Variants in HCN1 observed in about 807,000 individuals in gnomAD.
The protein encoded by HCN1 is potassium/sodium hyperpolarization-activated cyclic nucleotide-gated channel 1.
HCN1 carries 13 observed loss-of-function variants against 78.9 expected under a neutral mutation model. The observed-to-expected ratio is 0.16, with a 90% CI of 0.11 to 0.26. HCN1 has a LOEUF of 0.26. HCN1 is among the 10% of genes least tolerant of loss of function. The pLI, the probability that HCN1 is intolerant of heterozygous loss-of-function variation, is 1.00. For missense variants in HCN1, 810 were observed against 1,154.3 expected (o/e 0.70, Z 4.32); for synonymous variants, 552 against 455.5 (o/e 1.21, Z -2.70).
chr5:45,563,145 G>A (rs1743639032), intron 2 of HCN1, among the ~76,000 whole-genome samples: 1 of 152,052 alleles, frequency 6.6e-6, no homozygotes, highest in Non-Finnish European at 1.5e-5. Context: ...AATATATGTA[G>A]TGAATTTAAA....
intron 1 of HCN1, among the ~76,000 whole-genome samples, chr5:45,688,390 T>G (rs1739848000): frequency 6.6e-6 from 1 of 152,154 alleles, no homozygotes; most frequent in Non-Finnish European, 1.5e-5. Context: ...ATAACTTCTC[T>G]GCAGTTTCAT....
intron 1 of HCN1, among the ~76,000 whole-genome samples, chr5:45,691,163 A>T (rs913639330): frequency 1.3e-4 from 20 of 152,116 alleles, no homozygotes; most frequent in African/African-American, 4.6e-4. Context: ...TATGATACAA[A>T]TAATAAGTAA....
chr5:45,607,536 A>T (rs1744747117), intron 2 of HCN1, among the ~76,000 whole-genome samples: 1 of 150,638 alleles, frequency 6.6e-6, no homozygotes, highest in East Asian at 1.9e-4. Flanking sequence ...TTTAGATTAA[A>T]ACTAAATGAT....
chr5:45,422,885 G>T (rs969148009), intron 3 of HCN1, among the ~76,000 whole-genome samples: 1 of 152,140 alleles, frequency 6.6e-6, no homozygotes, highest in Non-Finnish European at 1.5e-5. Context: ...ACTGAGAAGG[G>T]TAGTAGGGAG....
intron 3 of HCN1, among the ~76,000 whole-genome samples, chr5:45,441,510 T>A (rs751074777): frequency 2.6e-4 from 40 of 152,256 alleles, no homozygotes; most frequent in Non-Finnish European, 5.0e-4. Context: ...TCCTGTGGTA[T>A]GGGAAGGGGT....
intron 2 of HCN1, among the ~76,000 whole-genome samples, chr5:45,527,918 A>T (rs1425942028): frequency 7.1e-6 from 1 of 140,620 alleles, no homozygotes; most frequent in East Asian, 2.1e-4. Flanking sequence ...ACTGTGTCTG[A>T]TTCTAAATTT....
chr5:45,354,135 G>T (rs1340078278), intron 4 of HCN1, among the ~76,000 whole-genome samples: 1 of 151,680 alleles, frequency 6.6e-6, no homozygotes, highest in Non-Finnish European at 1.5e-5. Context: ...ATATTACCTG[G>T]GTGCCTATTA....
chr5:45,580,348 A>G (rs982645298), intron 2 of HCN1, among the ~76,000 whole-genome samples: 1 of 151,924 alleles, frequency 6.6e-6, no homozygotes, highest in Admixed American at 6.6e-5. Context: ...AAGTGAGGAG[A>G]ATTTAAATTT....
intron 6 of HCN1, among the ~76,000 whole-genome samples, chr5:45,271,585 T>G (rs899089557): frequency 1.3e-5 from 2 of 152,194 alleles, no homozygotes; most frequent in African/African-American, 2.4e-5. Context: ...TAGAGTTTTA[T>G]TGTCCTTAAC....
chr5:45,274,047 C>T (rs981762492), intron 6 of HCN1, among the ~76,000 whole-genome samples: 10 of 152,154 alleles, frequency 6.6e-5, no homozygotes, highest in South Asian at 6.2e-4. Context: ...TACTTTAATG[C>T]ATTTCACATT....
At chr5:45,647,602 C>T (rs1745576687) in intron 1 of HCN1, among the ~76,000 whole-genome samples, 1 of 152,136 alleles carries the variant, frequency 6.6e-6, no homozygotes. Flanking sequence ...GCTTTATCTT[C>T]AGTCCATTCC....
At chr5:45,661,227 G>A (rs1341200877) in intron 1 of HCN1, among the ~76,000 whole-genome samples, 1 of 105,900 alleles carries the variant, frequency 9.4e-6, no homozygotes, top group Non-Finnish European at 1.9e-5. Flanking sequence ...CGAAATGAAG[G>A]CAGAAATAAA....
chr5:45,519,979 A>G lies in HCN1; in HGVS notation c.850-57972T>C, dbSNP rs114992363. Among the ~76,000 whole-genome samples the G allele has an allele frequency of 1.2e-3, 184 of 152,162 alleles. 1 individual carries two copies. Among genetic ancestry groups the G allele is most frequent in the African/African-American group, 4.3e-3 (179 of 41,556 alleles). On this transcript the variant is annotated intron_variant, in intron 2 of 7. Transcript: ENST00000303230. The stretch of plus-strand genomic sequence containing the variant: ...AGTTATCTGCATTCTTAGTACCTGT[A>G]AGACTTGAATTCATTGCCACAAAAT...
chr5:45,458,171 G>C (rs1028708449), intron 3 of HCN1, among the ~76,000 whole-genome samples: 1 of 151,936 alleles, frequency 6.6e-6, no homozygotes, highest in Non-Finnish European at 1.5e-5. Flanking sequence ...TTATAGCATT[G>C]ACTTTGAGTT....
chr5:45,543,489 C>A (rs1004111118), intron 2 of HCN1, among the ~76,000 whole-genome samples: 18 of 151,954 alleles, frequency 1.2e-4, no homozygotes, highest in African/African-American at 4.1e-4. Context: ...AAAATATAAT[C>A]TTATACCTTG....
chr5:45,635,488 G>A (rs1190236469), intron 2 of HCN1, among the ~76,000 whole-genome samples: 2 of 151,982 alleles, frequency 1.3e-5, no homozygotes, highest in East Asian at 1.9e-4. Flanking sequence ...TTATTTTGCA[G>A]CTGCTTCAAA....
Position 45,374,426 on chromosome 5 carries a change from T to C in HCN1, c.1231-21180A>G, listed in dbSNP as rs1211876501. 2.0e-5 allele frequency among the ~76,000 whole-genome samples: 3 copies of C among 147,482 alleles called. No homozygotes were observed. In the Admixed American group the frequency reaches 2.2e-4, roughly 11 times the overall value. Reference sequence around the variant, plus strand: ...AGAAATGGGTAAATTCCTGAACACATACAACCTCCCAAGACTGAATCAAGA... The same window carrying C: ...AGAAATGGGTAAATTCCTGAACACACACAACCTCCCAAGACTGAATCAAGA... On this transcript the variant is annotated intron_variant, in intron 4 of 7. Transcript: ENST00000303230.
chr5:45,668,942 T>G (rs62369141), intron 1 of HCN1, among the ~76,000 whole-genome samples: 9,212 of 151,890 alleles, frequency 0.061, 356 homozygotes, highest in East Asian at 0.15. Flanking sequence ...AAAAACCACT[T>G]AAGAACAGTA....
intron 2 of HCN1, among the ~76,000 whole-genome samples, chr5:45,496,304 T>G (rs905364542): frequency 6.6e-6 from 1 of 151,786 alleles, no homozygotes; most frequent in Non-Finnish European, 1.5e-5. Flanking sequence ...ATTCAGAGAT[T>G]CAACTTCTTC....
Sources: gnomAD v4.1 joint callset for allele counts (sites outside exome capture counted in the v4.1 genomes callset) on GRCh38, gnomAD v4.1.1 for gene constraint, MANE v1.5 for transcripts, NCBI Gene and HGNC (gene_info 2026-07-23, HGNC 2026-07-21) for gene names.